The following CELF5 variants were observed in gnomAD, a reference collection of about 807,000 sequenced individuals.
The protein encoded by CELF5 is CUGBP Elav-like family member 5, also known as CUG-BP and ETR-3 like factor 5.
Under a neutral mutation model 54.9 loss-of-function variants are expected in CELF5, and 6 were observed. The observed-to-expected ratio is 0.11, with a 90% CI of 0.06 to 0.22. The LOEUF is 0.22. CELF5 is among the 10% of genes least tolerant of loss of function. The probability of loss-of-function intolerance (pLI) is 1.00; values close to 1 mark genes in which losing one functional copy is unlikely to be tolerated. For synonymous variants in CELF5, 271 were observed against 290.9 expected (o/e 0.93, Z 0.70); for missense variants, 401 against 678.6 (o/e 0.59, Z 4.54).
rs1404134662 is a variant in CELF5 at position 3,268,822 on chromosome 19, T to C, written c.343-5050T>C. On this transcript the variant is annotated intron_variant, in intron 2 of 12. Coordinates refer to ENST00000292672, the MANE Select transcript of CELF5 (RefSeq NM_021938.4). The surrounding 1 kb of genome is among the most constrained non-coding windows in gnomAD (Gnocchi z 4.4). The stretch of plus-strand genomic sequence containing the variant: ...CAGATGGAGAGAGAGCACGGAAGAC[T>C]TCAGGGAGGAGGTGGCGTTTGAGGG... Among the ~76,000 whole-genome samples the C allele has an allele frequency of 6.6e-6, 1 of 151,816 alleles. No individual in the cohort carries two copies. Among genetic ancestry groups the C allele is most frequent in the Non-Finnish European group, 1.5e-5 (1 of 67,964 alleles).
In CELF5 at chr19:3,268,530, C is replaced by T. The variant is rs2079914640; in HGVS notation, c.343-5342C>T. The stretch of plus-strand genomic sequence containing the variant: ...CCTGGCACCAGCTCTTGGGTGACTT[C>T]CCGTGCCAGGCACTGTGCCCGGCAT... On this transcript the variant is annotated intron_variant, in intron 2 of 12. Coordinates refer to ENST00000292672, the MANE Select transcript of CELF5 (RefSeq NM_021938.4). This position sits in a 1 kb window ranked among gnomAD's most constrained non-coding sequence, Gnocchi z 4.4. Among the ~76,000 whole-genome samples, 1 of 152,194 alleles carries T rather than the reference C, an allele frequency of 6.6e-6. No homozygotes were observed. Among genetic ancestry groups the T allele is most frequent in the South Asian group, 2.1e-4 (1 of 4,830 alleles).
chr19:3,237,204 C>T (rs1168208533), intron 1 of CELF5, among the ~76,000 whole-genome samples: 5 of 138,082 alleles, frequency 3.6e-5, no homozygotes, highest in Non-Finnish European at 7.7e-5. Flanking sequence ...CCCAGCTACT[C>T]GGGAGGCTGA....
At chr19:3,259,190 T>A (rs113649364) in intron 2 of CELF5, among the ~76,000 whole-genome samples, 4 of 152,226 alleles carry the variant, frequency 2.6e-5, no homozygotes, top group African/African-American at 7.2e-5. Flanking sequence ...AGTGTGCTGT[T>A]GAGTGGCAGC....
At chr19:3,239,561 TG>T (rs1436763411) in intron 1 of CELF5, among the ~76,000 whole-genome samples, 4 of 151,412 alleles carry the variant, frequency 2.6e-5, no homozygotes, top group African/African-American at 9.7e-5. Flanking sequence ...TCAGTAGAGT[TG>T]GGGTCTCACT....
At chr19:3,237,031 G>T (rs1170123712) in intron 1 of CELF5, among the ~76,000 whole-genome samples, 1 of 145,660 alleles carries the variant, frequency 6.9e-6, no homozygotes, top group East Asian at 2.1e-4. Flanking sequence ...TGGCTACTCC[G>T]GCCAGGCGTG....
Position 3,285,975 on chromosome 19 carries a change from C to T in CELF5, c.1136C>T (p.Ala379Val). The change falls in exon 10 of 13, where the codon GCG (alanine) becomes GTG (valine). Residue 379 changes from alanine (A) to valine (V), a missense_variant. Physicochemically the swap from Ala to Val is moderately conservative, Grantham distance 64. Around this residue, in one of 6 missense-constraint regions of CELF5, gnomAD observed 143 missense variants for 147.6 expected, o/e 0.97. Coordinates refer to ENST00000292672, the MANE Select transcript of CELF5 (RefSeq NM_021938.4). ...CCCACCGCGGCCATCACGCCCATCG[C>T]GCACAGCGTCCCCCAGCCGCCGCCC... ...MYPTAAITPI[A>V]HSVPQPPPLL... 1 of 1,588,376 alleles carries T rather than the reference C, an allele frequency of 6.3e-7. No individual in the cohort carries two copies. The highest frequency in any genetic ancestry group is 8.5e-7 in the Non-Finnish European group (1 of 1,173,748).
chr19:3,247,350 T>C (rs945832930), intron 1 of CELF5, among the ~76,000 whole-genome samples: 14 of 151,910 alleles, frequency 9.2e-5, no homozygotes, highest in African/African-American at 3.1e-4. Context: ...ATGGTCTCGA[T>C]CTCCTGACCT....
intron 1 of CELF5, among the ~76,000 whole-genome samples, chr19:3,234,701 C>T (rs1349793066): frequency 6.6e-6 from 1 of 152,038 alleles, no homozygotes; most frequent in Non-Finnish European, 1.5e-5. Flanking sequence ...TGGGAATGCC[C>T]TTGACTTCCC....
intron 2 of CELF5, among the ~76,000 whole-genome samples, chr19:3,272,380 G>GA (rs1194279963): frequency 5.3e-5 from 8 of 150,750 alleles, no homozygotes; most frequent in Non-Finnish European, 1.0e-4. Context: ...GAAAAAAAAA[G>GA]AAAAAAAGAA....
At chr19:3,264,959 C>G (rs2079860878) in intron 2 of CELF5, among the ~76,000 whole-genome samples, 1 of 152,144 alleles carries the variant, frequency 6.6e-6, no homozygotes, top group South Asian at 2.1e-4. Context: ...AGTGATCTGC[C>G]TGCCTCCGCC....
rs747360150 is a variant in CELF5, at chr19:3,290,367, G to A, written c.1323G>A (p.Lys441=). 6.2e-7 allele frequency: 1 copy of A among 1,613,046 alleles called. No individual in the cohort carries two copies. The highest frequency in any genetic ancestry group is 8.5e-7 in the Non-Finnish European group (1 of 1,179,234). Residue 441 remains lysine (K), a synonymous_variant, in exon 11 of 13, where the codon AAG becomes AAA. Transcript: ENST00000292672. ...VFMDRATNQS[K]CFGFVSFDNP... ...TGGATCGAGCTACCAACCAGAGCAA[G>A]TGTTTCGGTGAGTGGCCGCCGACGC...
intron 1 of CELF5, among the ~76,000 whole-genome samples, chr19:3,242,446 G>A (rs903515047): frequency 2.8e-4 from 42 of 151,922 alleles, no homozygotes; most frequent in Non-Finnish European, 7.4e-5. Flanking sequence ...TGAGGTGGGC[G>A]GATCACTTGA....
chr19:3,274,727 A>G (rs1187778562), intron 3 of CELF5, among the ~76,000 whole-genome samples: 1 of 152,038 alleles, frequency 6.6e-6, no homozygotes, highest in Admixed American at 6.5e-5. Context: ...GGGCAGCCAG[A>G]TTTGGTTGAG....
chr19:3,244,535 G>A (rs1448127259), intron 1 of CELF5, among the ~76,000 whole-genome samples: 1 of 150,478 alleles, frequency 6.6e-6, no homozygotes, highest in Admixed American at 6.6e-5. Flanking sequence ...CTGCGTGTGT[G>A]TGTAGTGTGT....
At chr19:3,274,128 G>A (rs564462108) in intron 3 of CELF5, among the ~76,000 whole-genome samples, 2 of 150,826 alleles carry the variant, frequency 1.3e-5, no homozygotes, top group African/African-American at 4.8e-5. Context: ...CCAGAGAGCA[G>A]AAGGGGCTAT....
In CELF5 at chr19:3,268,183, G is replaced by C. The variant is rs2079909737; in HGVS notation, c.343-5689G>C. Among the ~76,000 whole-genome samples the C allele has an allele frequency of 6.6e-6, 1 of 151,994 alleles. No homozygotes were observed. Among genetic ancestry groups the C allele is most frequent in the Non-Finnish European group, 1.5e-5 (1 of 67,996 alleles). On this transcript the variant is annotated intron_variant, in intron 2 of 12. Coordinates refer to ENST00000292672, the MANE Select transcript of CELF5 (RefSeq NM_021938.4). This position sits in a 1 kb window ranked among gnomAD's most constrained non-coding sequence, Gnocchi z 4.4. Reference sequence around the variant, plus strand: ...CCAGCTACTTTTTGTATTTTTAGTAGAGATGCGGTTTTACCGTGTTGGCCA... The same window carrying C: ...CCAGCTACTTTTTGTATTTTTAGTACAGATGCGGTTTTACCGTGTTGGCCA...
At chr19:3,233,167 G>A (rs531974175) in intron 1 of CELF5, among the ~76,000 whole-genome samples, 1 of 152,042 alleles carries the variant, frequency 6.6e-6, no homozygotes, top group South Asian at 2.1e-4. Context: ...TGTGCCTAGA[G>A]CCCTAGCTGC....
rs200216121 is a variant in CELF5 at position 3,243,189 on chromosome 19, A to AT, written c.260-7789dup. On this transcript the variant is annotated intron_variant, in intron 1 of 12. Transcript: ENST00000292672. ...TTTTTCTTTTTTTCTTTGGTTTTTA[A>AT]TTTTTTTGTTTTGGGGTATTTGTGT... Among the ~76,000 whole-genome samples, 911 of 151,252 alleles carry AT rather than the reference A, an allele frequency of 6.0e-3. 10 individuals are homozygous for AT. The highest frequency in any genetic ancestry group is 0.021 in the African/African-American group (853 of 41,216).
intron 1 of CELF5, chr19:3,225,618 G>C (rs1916861250): frequency 1.0e-6 from 1 of 982,126 alleles, no homozygotes; most frequent in Non-Finnish European, 1.2e-6. Flanking sequence ...CAGGCTAATC[G>C]GTAACTACAA....
Sources: gnomAD v4.1 joint callset for allele counts (sites outside exome capture counted in the v4.1 genomes callset) on GRCh38, gnomAD v4.1.1 for gene constraint, gnomAD v4.1.1 regional missense constraint, Gnocchi (gnomAD v3.1) non-coding constraint, MANE v1.5 for transcripts, NCBI Gene and HGNC (gene_info 2026-07-23, HGNC 2026-07-21) for gene names.